Variants in NRP1 observed in about 807,000 individuals in gnomAD.
NRP1 encodes the protein neuropilin 1, also known as neuropilin-1.
In NRP1, 35 loss-of-function variants were observed where a neutral mutation model predicts 106.7. That is an observed-to-expected ratio of 0.33 (90% confidence interval 0.25 to 0.43). NRP1 has a LOEUF of 0.43. Among genes scored for constraint, NRP1 ranks in the 20% least tolerant of loss-of-function variants. The pLI is 1.00. For missense variants in NRP1, 1,024 were observed against 1,170.4 expected, an observed-to-expected ratio of 0.87 and a Z score of 1.83; for synonymous variants, 437 against 417.9, an observed-to-expected ratio of 1.05 and a Z score of -0.56.
At chr10:33,202,507 T>G in intron 11 of NRP1, 1 of 1,211,092 alleles carries the variant, frequency 8.3e-7, no homozygotes, top group Admixed American at 3.4e-5. Context: ...TTGTCCTCAT[T>G]AGAAAATGAA....
At chr10:33,207,189 A>G (rs181978793) in intron 10 of NRP1, among the ~76,000 whole-genome samples, 1 of 152,298 alleles carries the variant, frequency 6.6e-6, no homozygotes, top group African/African-American at 2.4e-5. Flanking sequence ...AGTGATGGAA[A>G]TATTTTGGAA....
At chr10:33,184,598 G>A (rs540485896) in intron 15 of NRP1, among the ~76,000 whole-genome samples, 27 of 151,024 alleles carry the variant, frequency 1.8e-4, no homozygotes, top group Middle Eastern at 6.8e-3. Context: ...TTGTAAAGGA[G>A]TTGCAACTAA....
intron 9 of NRP1, chr10:33,211,208 G>A (rs1838275588): frequency 6.6e-6 from 1 of 152,174 alleles, no homozygotes; most frequent in African/African-American, 2.4e-5. Flanking sequence ...TATAGAGACG[G>A]GGAAGCATGT....
intron 2 of NRP1, among the ~76,000 whole-genome samples, chr10:33,275,941 C>A (rs1843660510): frequency 6.6e-6 from 1 of 151,924 alleles, no homozygotes. Flanking sequence ...ACAAAAAAAA[C>A]TCAACAAAAG....
chr10:33,290,854 C>T (rs1232127470), intron 2 of NRP1, among the ~76,000 whole-genome samples: 1 of 152,148 alleles, frequency 6.6e-6, no homozygotes, highest in East Asian at 1.9e-4. Context: ...GGAAGTTGGG[C>T]CTCAAGGTGC....
At chr10:33,305,272 T>C (rs1260066972) in intron 2 of NRP1, among the ~76,000 whole-genome samples, 1 of 152,194 alleles carries the variant, frequency 6.6e-6, no homozygotes, top group Non-Finnish European at 1.5e-5. Context: ...CAAGATATAA[T>C]GTGGACATCC....
intron 6 of NRP1, among the ~76,000 whole-genome samples, chr10:33,247,823 C>T (rs988343710): frequency 6.6e-6 from 1 of 152,158 alleles, no homozygotes; most frequent in Non-Finnish European, 1.5e-5. Flanking sequence ...GGAAGGATAT[C>T]CACGTCCATT....
At chr10:33,222,520 T>C (rs1434201174) in intron 7 of NRP1, among the ~76,000 whole-genome samples, 8 of 149,344 alleles carry the variant, frequency 5.4e-5, no homozygotes, top group African/African-American at 2.0e-4. Context: ...TATTTATTTA[T>C]TTATTTATTT....
intron 2 of NRP1, among the ~76,000 whole-genome samples, chr10:33,320,017 A>G (rs1188827103): frequency 6.6e-6 from 1 of 151,536 alleles, no homozygotes; most frequent in African/African-American, 2.4e-5. Flanking sequence ...GGCATGCGTA[A>G]AAGCCTGCTC....
At chr10:33,279,983 C>T (rs941781354) in intron 2 of NRP1, among the ~76,000 whole-genome samples, 1 of 152,210 alleles carries the variant, frequency 6.6e-6, no homozygotes, top group African/African-American at 2.4e-5. Flanking sequence ...GAGCCACACT[C>T]TCCTGATTGA....
At chr10:33,245,567 T>C (rs1200858221) in intron 6 of NRP1, among the ~76,000 whole-genome samples, 1 of 152,236 alleles carries the variant, frequency 6.6e-6, no homozygotes, top group Non-Finnish European at 1.5e-5. Context: ...GGTTTAAACA[T>C]GCTTGCTTGG....
chr10:33,254,804 C>G (rs1218981916), intron 5 of NRP1, among the ~76,000 whole-genome samples: 1 of 152,190 alleles, frequency 6.6e-6, no homozygotes, highest in Non-Finnish European at 1.5e-5. Flanking sequence ...TGCACTGTCA[C>G]ACGGCCCCAA....
chr10:33,252,162 A>G (rs894855695), intron 6 of NRP1, among the ~76,000 whole-genome samples: 1 of 152,116 alleles, frequency 6.6e-6, no homozygotes, highest in Non-Finnish European at 1.5e-5. Flanking sequence ...AGAAGAGCAC[A>G]CCAACAGGCA....
At chr10:33,245,638 A>T (rs556793669) in intron 6 of NRP1, among the ~76,000 whole-genome samples, 1 of 152,354 alleles carries the variant, frequency 6.6e-6, no homozygotes, top group South Asian at 2.1e-4. Flanking sequence ...ACAATGGAGT[A>T]GGAGCAGGGA....
chr10:33,332,879 G>GTA (rs767865536), intron 1 of NRP1, among the ~76,000 whole-genome samples: 7 of 7,196 alleles, frequency 9.7e-4, no homozygotes, highest in Non-Finnish European at 4.4e-3. Context: ...AAACTAAGAA[G>GTA]TGTGTGTGTG....
intron 8 of NRP1, among the ~76,000 whole-genome samples, chr10:33,218,268 A>G (rs924029100): frequency 6.6e-6 from 1 of 152,040 alleles, no homozygotes. Context: ...GTTTGTTCCA[A>G]TCTTATTTTC....
chr10:33,292,480 T>C (rs1398247411), intron 2 of NRP1, among the ~76,000 whole-genome samples: 1 of 152,202 alleles, frequency 6.6e-6, no homozygotes, highest in Admixed American at 6.5e-5. Context: ...GTTCTGATGG[T>C]CTTGGTTCAT....
intron 2 of NRP1, among the ~76,000 whole-genome samples, chr10:33,290,403 C>G (rs148984379): frequency 6.7e-6 from 1 of 149,640 alleles, no homozygotes; most frequent in Non-Finnish European, 1.5e-5. Context: ...AGGGGATGAC[C>G]GACCCTGGTT....
intron 8 of NRP1, among the ~76,000 whole-genome samples, chr10:33,216,689 A>C (rs1182770132): frequency 6.8e-6 from 1 of 146,984 alleles, no homozygotes; most frequent in Non-Finnish European, 1.5e-5. Flanking sequence ...AGATCTTACC[A>C]TTTTGGCCTC....
Sources: gnomAD v4.1 joint callset for allele counts (sites outside exome capture counted in the v4.1 genomes callset) on GRCh38, gnomAD v4.1.1 for gene constraint, MANE v1.5 for transcripts, NCBI Gene and HGNC (gene_info 2026-07-23, HGNC 2026-07-21) for gene names.